The following ACADL variants were observed in gnomAD, a reference collection of about 807,000 sequenced individuals.
ACADL encodes the protein long-chain specific acyl-CoA dehydrogenase, mitochondrial.
In ACADL, 60 loss-of-function variants were observed where a neutral mutation model predicts 56.9. The ratio of observed to expected loss-of-function variants is 1.05; its 90% CI spans 0.86 to 1.31. The LOEUF (loss-of-function observed/expected upper bound fraction) is 1.31. ACADL is among the 50% of genes most tolerant of loss of function. The probability of loss-of-function intolerance (pLI) is 0.00; values close to 1 mark genes in which losing one functional copy is unlikely to be tolerated. For synonymous variants in ACADL, 158 were observed against 179.7 expected, an observed-to-expected ratio of 0.88 and a Z score of 0.97; for missense variants, 484 against 525.5, an observed-to-expected ratio of 0.92 and a Z score of 0.77.
chr2:210,210,944 T>TA (rs977909156), intron 4 of ACADL, among the ~76,000 whole-genome samples: 10 of 146,650 alleles, frequency 6.8e-5, no homozygotes, highest in African/African-American at 1.7e-4. Flanking sequence ...AGAATTTGTC[T>TA]AAAAAAAAAA....
Position 210,195,343 on chromosome 2 carries a change from A to C in ACADL, c.985-5T>G, listed in dbSNP as rs1688692697. 5.0e-6 allele frequency: 8 copies of C among 1,610,574 alleles called. No individual in the cohort carries two copies. The highest frequency in any genetic ancestry group is 6.8e-6 in the Non-Finnish European group (8 of 1,176,854). On this transcript the variant is annotated splice_polypyrimidine_tract_variant and splice_region_variant and intron_variant, in intron 8 of 10. Transcript: ENST00000233710. The stretch of plus-strand genomic sequence containing the variant: ...TGCTAATTTATGTTGCACTGTCTTG[A>C]ATTTAAAGGAAATAAAAGAAAAAAG...
chr2:210,211,027 A>T (rs184483346), intron 4 of ACADL, among the ~76,000 whole-genome samples: 1 of 152,304 alleles, frequency 6.6e-6, no homozygotes, highest in Admixed American at 6.5e-5. Flanking sequence ...TTCTAAATAT[A>T]AGAGAAACAA....
At chr2:210,197,346 C>G (rs1483079730) in intron 8 of ACADL, among the ~76,000 whole-genome samples, 1 of 152,126 alleles carries the variant, frequency 6.6e-6, no homozygotes, top group East Asian at 1.9e-4. Context: ...AAACTTTCTT[C>G]CCCGCTTATT....
intron 5 of ACADL, among the ~76,000 whole-genome samples, chr2:210,207,471 CTT>C (rs1688905726): frequency 6.6e-6 from 1 of 152,092 alleles, no homozygotes; most frequent in Admixed American, 6.6e-5. Flanking sequence ...ACCTATGAGT[CTT>C]TGAAAATCTT....
At chr2:210,225,102 G>A in intron 1 of ACADL, 85 bp downstream of exon 1, 2 of 1,522,590 alleles carry the variant, frequency 1.3e-6, no homozygotes, top group South Asian at 1.2e-5. Context: ...GCACCGCCCT[G>A]CTTCAAGCCA....
intron 1 of ACADL, chr2:210,224,487 T>G (rs1055598115): frequency 2.0e-6 from 2 of 985,240 alleles, no homozygotes; most frequent in African/African-American, 3.5e-5. Context: ...ACCCAGTGAA[T>G]AGATTTTATG....
At position 210,209,898 on chromosome 2, in the gene ACADL, TC is replaced by T. The variant is rs1688950012; in HGVS notation, c.603+297del. On this transcript the variant is annotated intron_variant, in intron 5 of 10. Coordinates refer to ENST00000233710, the MANE Select transcript of ACADL (RefSeq NM_001608.4). ...AAAGTTTAAGTATTATTAATATTTG[TC>T]CCACATTTGGGCAATGTGAGCCTCA... 2.0e-5 allele frequency: 6 copies of T among 296,594 alleles called. No individual in the cohort carries two copies. In the South Asian group the frequency reaches 2.8e-4, roughly 14 times the overall value. 18.4% of individuals were successfully genotyped at this position (296,594 alleles called of 1,614,324 possible). A position where few individuals can be genotyped will look rare whatever the true frequency, so the allele number is the denominator to read the frequency against.
In ACADL at chr2:210,220,818, A is replaced by G. The variant is rs2125718940; in HGVS notation, c.78-16T>C. On this transcript the variant is annotated splice_polypyrimidine_tract_variant and intron_variant, in intron 1 of 10. Transcript: ENST00000233710. ...ATGAGAACATCTTAAAAATATATAT[A>G]TGCAATAGGAAAAGTAAGTGAATTG... 2 of 1,565,222 alleles carry G rather than the reference A, an allele frequency of 1.3e-6. No homozygotes were observed. The highest frequency in any genetic ancestry group is 1.4e-5 in the African/African-American group (1 of 73,434).
intron 10 of ACADL, among the ~76,000 whole-genome samples, chr2:210,191,016 G>A (rs907336951): frequency 1.3e-5 from 2 of 150,920 alleles, no homozygotes; most frequent in Admixed American, 6.6e-5. Flanking sequence ...TCTCGGGTTA[G>A]AGCGATTCTC....
chr2:210,194,012 A>T (rs1688673148), intron 9 of ACADL, among the ~76,000 whole-genome samples: 1 of 152,154 alleles, frequency 6.6e-6, no homozygotes. Flanking sequence ...GATTTCTCTA[A>T]TTTTTTATAT....
intron 2 of ACADL, 100 bp from the exon 3 acceptor site, chr2:210,218,202 T>C: frequency 1.0e-6 from 1 of 968,348 alleles, no homozygotes; most frequent in Non-Finnish European, 1.5e-6. Context: ...AATGCATTCT[T>C]AATTTAAGGT....
intron 5 of ACADL, among the ~76,000 whole-genome samples, chr2:210,206,137 T>A (rs1434018835): frequency 6.6e-6 from 1 of 152,086 alleles, no homozygotes; most frequent in East Asian, 1.9e-4. Flanking sequence ...AGGAAGCCAC[T>A]GATAAGAAAA....
rs1688856891 is a variant in ACADL at position 210,204,777 on chromosome 2, A to G, written c.769-95T>C. On this transcript the variant is annotated intron_variant, in intron 6 of 10. Coordinates refer to ENST00000233710, the MANE Select transcript of ACADL (RefSeq NM_001608.4). ...AGTGAATATTATTTTTTCCAAAAAAACAAAACACAAATTGGAAGCCAAGTT... is the reference window on the plus strand; with the variant it reads ...AGTGAATATTATTTTTTCCAAAAAAGCAAAACACAAATTGGAAGCCAAGTT... 3.7e-6 allele frequency: 4 copies of G among 1,075,878 alleles called. No individual in the cohort carries two copies. In the African/African-American group the frequency reaches 6.3e-5, roughly 17 times the overall value. 66.6% of individuals were successfully genotyped at this position (1,075,878 alleles called of 1,614,324 possible).
intron 6 of ACADL, 31 bp downstream of exon 6, chr2:210,205,601 G>A: frequency 6.2e-7 from 1 of 1,606,356 alleles, no homozygotes; most frequent in Non-Finnish European, 8.5e-7. Flanking sequence ...AACTCAATTA[G>A]TATCTGAATA....
intron 4 of ACADL, among the ~76,000 whole-genome samples, chr2:210,213,916 C>A (rs1367351884): frequency 2.6e-5 from 4 of 151,966 alleles, no homozygotes; most frequent in African/African-American, 9.7e-5. Context: ...TGCAGTGGCT[C>A]ACACCTATAA....
At chr2:210,192,456 C>T (rs2125708445) in intron 10 of ACADL, among the ~76,000 whole-genome samples, 1 of 152,138 alleles carries the variant, frequency 6.6e-6, no homozygotes, top group South Asian at 2.1e-4. Flanking sequence ...TGCCACTGTA[C>T]TCCAACCTGG....
chr2:210,219,896 G>T (rs951081811), intron 2 of ACADL, among the ~76,000 whole-genome samples: 1 of 152,056 alleles, frequency 6.6e-6, no homozygotes, highest in African/African-American at 2.4e-5. Flanking sequence ...TTATGTAATT[G>T]TTTTGAGCAT....
chr2:210,216,773 C>CA (rs1380057126), intron 3 of ACADL: 1 of 414,436 alleles, frequency 2.4e-6, no homozygotes, highest in Non-Finnish European at 4.5e-6. Context: ...GAATCACCTG[C>CA]AGTTGTATTC....
At chr2:210,215,831 T>G (rs764978812) in intron 4 of ACADL, among the ~76,000 whole-genome samples, 8 of 152,196 alleles carry the variant, frequency 5.3e-5, no homozygotes, top group Non-Finnish European at 8.8e-5. Context: ...ATATATATAC[T>G]TGCTTATTTC....
Sources: allele counts gnomAD v4.1 joint callset (sites outside exome capture counted in the v4.1 genomes callset), GRCh38; gene constraint gnomAD v4.1.1; transcripts MANE v1.5; gene names NCBI Gene and HGNC (gene_info 2026-07-23, HGNC 2026-07-21).